LRRK2: variants seen among roughly 807,000 people sequenced by gnomAD.
The protein encoded by LRRK2 is leucine-rich repeat serine/threonine-protein kinase 2.
A neutral mutation model predicts 302.6 loss-of-function variants in LRRK2; 203 were observed. The ratio of observed to expected loss-of-function variants is 0.67; its 90% CI spans 0.60 to 0.75. The LOEUF is 0.75. Ranked by LOEUF, LRRK2 falls within the 30% of genes least tolerant of loss-of-function variation. LRRK2 has a pLI of 0.00. For synonymous variants in LRRK2, 1,066 were observed against 1,031.9 expected (o/e 1.03, Z -0.63); for missense variants, 2,830 against 2,951.0 (o/e 0.96, Z 0.95).
chr12:40,308,701 T>G lies in LRRK2; in HGVS notation c.4189+5T>G. 1 of 1,611,932 alleles carries G rather than the reference T, an allele frequency of 6.2e-7. No individual in the cohort carries two copies. Among genetic ancestry groups the G allele is most frequent in the Non-Finnish European group, 8.5e-7 (1 of 1,178,438 alleles). Reference sequence around the variant, plus strand: ...TAAATGTGTGGGATTTTGCAGGTATTTCTTTCTATAGAATTTTAAAATTCA... The same window carrying G: ...TAAATGTGTGGGATTTTGCAGGTATGTCTTTCTATAGAATTTTAAAATTCA... On this transcript the variant is annotated splice_donor_5th_base_variant and intron_variant, in intron 29 of 50. Coordinates refer to ENST00000298910, the MANE Select transcript of LRRK2 (RefSeq NM_198578.4).
chr12:40,343,898 T>C (rs1263545695), intron 41 of LRRK2, among the ~76,000 whole-genome samples: 2 of 152,194 alleles, frequency 1.3e-5, no homozygotes, highest in Admixed American at 1.3e-4. Context: ...AAGAAGCTTT[T>C]AGAAGGGTAT....
chr12:40,245,182 A>G (rs1941924820), intron 7 of LRRK2, among the ~76,000 whole-genome samples: 1 of 151,926 alleles, frequency 6.6e-6, no homozygotes, highest in Non-Finnish European at 1.5e-5. Context: ...AATATATTGT[A>G]TATTTTATTC....
At chr12:40,363,233 A>G (rs1028670782) in intron 47 of LRRK2, among the ~76,000 whole-genome samples, 169 bp from the exon 48 acceptor site, 4 of 152,108 alleles carry the variant, frequency 2.6e-5, no homozygotes, top group Non-Finnish European at 2.9e-5. Flanking sequence ...CATGTTATAT[A>G]TTCAATTCAG....
At chr12:40,278,530 C>A (rs1403922066) in intron 18 of LRRK2, among the ~76,000 whole-genome samples, 1 of 152,184 alleles carries the variant, frequency 6.6e-6, no homozygotes, top group Non-Finnish European at 1.5e-5. Flanking sequence ...CCTTAGTAGG[C>A]ATCTCTACAA....
At position 40,310,471 on chromosome 12, in the gene LRRK2, A is replaced by G. The variant is rs878853308; in HGVS notation, c.4358A>G (p.His1453Arg). 3.1e-6 allele frequency: 5 copies of G among 1,613,200 alleles called. No individual in the cohort carries two copies. Among genetic ancestry groups the G allele is most frequent in the Non-Finnish European group, 4.2e-6 (5 of 1,179,814 alleles). ...SSSPVILVGT[H>R]LDVSDEKQRK... ...TCCCCTGTGATTCTCGTTGGCACAC[A>G]TTTGGATGTTTCTGATGAGAAGCAA... Residue 1453 changes from histidine (H) to arginine (R), a missense_variant, in exon 31 of 51, where the codon CAT (histidine) becomes CGT (arginine). By Grantham distance (29) the His-to-Arg change is conservative. Coordinates refer to ENST00000298910, the MANE Select transcript of LRRK2 (RefSeq NM_198578.4).
At chr12:40,272,733 A>T (rs1029503497) in intron 14 of LRRK2, among the ~76,000 whole-genome samples, 4 of 152,154 alleles carry the variant, frequency 2.6e-5, no homozygotes, top group Non-Finnish European at 4.4e-5. Flanking sequence ...GTACGATGTC[A>T]TGGAAATTAA....
intron 48 of LRRK2, among the ~76,000 whole-genome samples, chr12:40,363,936 A>G (rs1052527142): frequency 3.3e-5 from 5 of 151,914 alleles, no homozygotes; most frequent in African/African-American, 4.8e-5. Context: ...AAGAGTCACA[A>G]AATAATAGAC....
chr12:40,315,901 A>G (rs774187185), intron 33 of LRRK2, among the ~76,000 whole-genome samples: 1 of 152,030 alleles, frequency 6.6e-6, no homozygotes, highest in Non-Finnish European at 1.5e-5. Flanking sequence ...TTTGAGCAAA[A>G]CATACTACCT....
At chr12:40,275,064 C>T (rs1943392116) in intron 16 of LRRK2, 71 bp downstream of exon 16, 1 of 1,549,314 alleles carries the variant, frequency 6.5e-7, no homozygotes, top group African/African-American at 1.4e-5. Flanking sequence ...TTGTGTAATT[C>T]CCACTTTGCA....
chr12:40,251,105 A>C (rs1213467104), intron 8 of LRRK2, 127 bp from the exon 9 acceptor site: 1 of 597,290 alleles, frequency 1.7e-6, no homozygotes, highest in Non-Finnish European at 2.8e-6. Flanking sequence ...TTTATAATTG[A>C]CCAAGGCTTC....
chr12:40,333,338 G>T (rs1003816914), intron 39 of LRRK2, among the ~76,000 whole-genome samples: 1 of 152,130 alleles, frequency 6.6e-6, no homozygotes, highest in African/African-American at 2.4e-5. Flanking sequence ...TGATAAATCA[G>T]TGGGCGCCGC....
rs1177009393 is a variant in LRRK2 at position 40,231,593 on chromosome 12, C to T, written c.238-681C>T. On this transcript the variant is annotated intron_variant, in intron 2 of 50. Transcript: ENST00000298910. ...AACAAAACCAAAAAAAAAAAAAAAACAAGAAAAAAAAAGTACTAAGGATCT... is the reference window on the plus strand; with the variant it reads ...AACAAAACCAAAAAAAAAAAAAAAATAAGAAAAAAAAAGTACTAAGGATCT... Among the ~76,000 whole-genome samples the T allele has an allele frequency of 3.5e-5, 4 of 114,666 alleles. No individual in the cohort carries two copies. In the East Asian group the frequency reaches 9.8e-4, roughly 28 times the overall value. The allele number at this position is 114,666 out of a possible 152,430, so 75.2% of individuals were successfully genotyped here.
intron 46 of LRRK2, among the ~76,000 whole-genome samples, chr12:40,358,910 G>C (rs1946622676): frequency 6.6e-6 from 1 of 151,872 alleles, no homozygotes; most frequent in African/African-American, 2.4e-5. Context: ...TGTTTTTCAG[G>C]TTTCCTTATA....
chr12:40,340,659 A>G (rs1037723380), intron 41 of LRRK2, among the ~76,000 whole-genome samples: 1 of 152,250 alleles, frequency 6.6e-6, no homozygotes, highest in Non-Finnish European at 1.5e-5. Context: ...TTTTCAGGGC[A>G]AAAACTGAAT....
intron 39 of LRRK2, 82 bp from the exon 40 acceptor site, chr12:40,334,885 C>T (rs930472135): frequency 1.4e-6 from 2 of 1,426,836 alleles, no homozygotes; most frequent in Admixed American, 1.7e-5. Context: ...CCATGTTCAG[C>T]CTGTTGATGC....
At chr12:40,294,609 C>A (rs953888751) in intron 21 of LRRK2, among the ~76,000 whole-genome samples, 1 of 151,964 alleles carries the variant, frequency 6.6e-6, no homozygotes, top group African/African-American at 2.4e-5. Context: ...TTCTGTTTTT[C>A]AGTTTCCTTA....
chr12:40,257,889 T>C (rs1942593558), intron 12 of LRRK2, among the ~76,000 whole-genome samples: 3 of 151,874 alleles, frequency 2.0e-5, no homozygotes, highest in Admixed American at 2.0e-4. Flanking sequence ...ACAGAGACCA[T>C]ATCCTTTGAT....
At chr12:40,280,621 TTAAAATAAAATAAAA>T (rs57373855) in intron 18 of LRRK2, among the ~76,000 whole-genome samples, 2 of 132,564 alleles carry the variant, frequency 1.5e-5, no homozygotes, top group Non-Finnish European at 1.6e-5. Flanking sequence ...CCAGACCCTG[TTAAAATAAAATAAAA>T]TAAAATAAAA....
At chr12:40,320,741 C>T (rs1945377830) in intron 34 of LRRK2, among the ~76,000 whole-genome samples, 3 of 151,820 alleles carry the variant, frequency 2.0e-5, no homozygotes. Flanking sequence ...ATGTATTTTT[C>T]AGGATTTATA....
Sources: allele counts gnomAD v4.1 joint callset (sites outside exome capture counted in the v4.1 genomes callset), GRCh38; gene constraint gnomAD v4.1.1; transcripts MANE v1.5; gene names NCBI Gene and HGNC (gene_info 2026-07-23, HGNC 2026-07-21).